Variants in OSBPL6 observed in about 807,000 individuals in gnomAD.
OSBPL6 encodes oxysterol-binding protein-related protein 6.
Under a neutral mutation model 125.8 loss-of-function variants are expected in OSBPL6, and 49 were observed. That is an observed-to-expected ratio of 0.39 (90% confidence interval 0.31 to 0.49). OSBPL6 has a LOEUF of 0.49. OSBPL6 is among the 20% of genes least tolerant of loss of function. The pLI is 0.88. For missense variants in OSBPL6, 986 were observed against 1,135.4 expected (o/e 0.87, Z 1.89); for synonymous variants, 394 against 391.8 (o/e 1.01, Z -0.07).
intron 15 of OSBPL6, 89 bp from the exon 16 acceptor site, chr2:178,382,331 C>A: frequency 6.9e-7 from 1 of 1,455,156 alleles, no homozygotes; most frequent in Non-Finnish European, 9.1e-7. Context: ...CTCACTGGAA[C>A]AATATTTTGT....
chr2:178,211,141 C>G (rs571049764), intron 1 of OSBPL6, among the ~76,000 whole-genome samples: 3 of 152,118 alleles, frequency 2.0e-5, no homozygotes, highest in African/African-American at 7.2e-5. Context: ...TGTGGTGGTG[C>G]GCGCCTGTAG....
In OSBPL6 at chr2:178,389,130, A is replaced by G. The variant is rs772037316; in HGVS notation, c.2278A>G (p.Ile760Val). Residue 760 changes from isoleucine (I) to valine (V), a missense_variant, in exon 21 of 25, where the codon ATT becomes GTT. Ile to Val is a conservative substitution (Grantham distance 29, BLOSUM62 3). Around this residue, in one of 3 missense-constraint regions of OSBPL6, gnomAD observed 843 missense variants for 997.3 expected, o/e 0.85. Transcript: ENST00000190611. ...CAGAAATACCAAAAGCAGTGTTTGC[A>G]TTTGCAAACTCACATTTGTCAAGGT... is the stretch of plus-strand genomic sequence containing the variant. ...TIRNTKSSVC[I>V]CKLTFVKVNY... The G allele has an allele frequency of 1.1e-5, 18 of 1,613,804 alleles. No homozygotes were observed. Among genetic ancestry groups the G allele is most frequent in the African/African-American group, 2.7e-5 (2 of 75,064 alleles).
chr2:178,223,728 C>T (rs2090437063), intron 1 of OSBPL6, among the ~76,000 whole-genome samples: 1 of 152,184 alleles, frequency 6.6e-6, no homozygotes, highest in Non-Finnish European at 1.5e-5. Context: ...GCACACTCAC[C>T]TATTGTTACT....
chr2:178,289,041 A>G (rs1249167901), intron 2 of OSBPL6, among the ~76,000 whole-genome samples: 4 of 132,098 alleles, frequency 3.0e-5, no homozygotes, highest in Non-Finnish European at 6.3e-5. Context: ...TTTTTGAGAC[A>G]GAGTCTCGCT....
intron 2 of OSBPL6, among the ~76,000 whole-genome samples, chr2:178,287,912 A>G (rs949288955): frequency 8.6e-5 from 13 of 152,006 alleles, no homozygotes; most frequent in Admixed American, 3.3e-4. Context: ...GAAATGGGGG[A>G]AAAATTGTAG....
Position 178,394,360 on chromosome 2 carries a change from G to C in OSBPL6, c.2621G>C (p.Arg874Thr). ...NLEAAASEKQ[R>T]VEELQRSRRR... Reference sequence around the variant, plus strand: ...GAAGCTGCAGCATCAGAGAAGCAAAGAGTAGAGGAACTCCAGAGATCTCGG... The same window carrying C: ...GAAGCTGCAGCATCAGAGAAGCAAACAGTAGAGGAACTCCAGAGATCTCGG... The change falls in exon 24 of 25, where the codon AGA becomes ACA. Residue 874 changes from arginine to threonine, a missense_variant. Arg to Thr is a moderately conservative substitution (Grantham distance 71). Around this residue, in one of 3 missense-constraint regions of OSBPL6, gnomAD observed 843 missense variants for 997.3 expected, o/e 0.85. Transcript: ENST00000190611. The C allele has an allele frequency of 6.2e-7, 1 of 1,613,740 alleles. No individual in the cohort carries two copies. Among genetic ancestry groups the C allele is most frequent in the Non-Finnish European group, 8.5e-7 (1 of 1,179,894 alleles).
intron 12 of OSBPL6, among the ~76,000 whole-genome samples, chr2:178,360,210 A>G (rs1490897217): frequency 6.6e-6 from 1 of 152,206 alleles, no homozygotes; most frequent in Non-Finnish European, 1.5e-5. Context: ...CCAGGATGGC[A>G]GTGGAGGGGA....
intron 15 of OSBPL6, among the ~76,000 whole-genome samples, chr2:178,381,739 C>A (rs922020679): frequency 3.9e-5 from 6 of 152,192 alleles, no homozygotes; most frequent in African/African-American, 1.4e-4. Context: ...TTCCTGAAAA[C>A]CAAATCTGAC....
intron 1 of OSBPL6, among the ~76,000 whole-genome samples, chr2:178,268,928 A>G (rs774113627): frequency 2.7e-4 from 41 of 152,020 alleles, no homozygotes; most frequent in Non-Finnish European, 4.3e-4. Flanking sequence ...TTTTTGCCCC[A>G]TTGTCCTAAG....
intron 13 of OSBPL6, among the ~76,000 whole-genome samples, chr2:178,367,390 A>G (rs1450542359): frequency 6.6e-6 from 1 of 152,156 alleles, no homozygotes; most frequent in Non-Finnish European, 1.5e-5. Context: ...TCATTTTCTC[A>G]TTCCTTTTGA....
intron 1 of OSBPL6, among the ~76,000 whole-genome samples, chr2:178,240,901 C>T (rs1162964968): frequency 6.6e-6 from 1 of 152,116 alleles, no homozygotes; most frequent in African/African-American, 2.4e-5. Flanking sequence ...AGATAGTATC[C>T]TAATTTTGGC....
At chr2:178,339,147 T>C in intron 10 of OSBPL6, 53 bp downstream of exon 10, 18 of 1,117,842 alleles carry the variant, frequency 1.6e-5, no homozygotes, top group Non-Finnish European at 2.4e-5. Context: ...ATTAATACTC[T>C]TTATTGGGTT....
At chr2:178,336,192 G>A in intron 8 of OSBPL6, 109 bp from the exon 9 acceptor site, 3 of 1,351,150 alleles carry the variant, frequency 2.2e-6, no homozygotes, top group Non-Finnish European at 3.0e-6. Context: ...TGTTTTGAGT[G>A]TGCATTTTCT....
rs984666696 is a variant in OSBPL6, at chr2:178,274,897, AT to A, written c.-350-10018del. Among the ~76,000 whole-genome samples the A allele has an allele frequency of 1.2e-3, 177 of 146,854 alleles. 1 individual carries two copies. The Middle Eastern group carries it at 0.014, about 12-fold the overall frequency. On this transcript the variant is annotated intron_variant, in intron 1 of 24. Coordinates refer to ENST00000190611, the MANE Select transcript of OSBPL6 (RefSeq NM_032523.4). ...TTAAAAATTGTCCTCTAGGACCATG[AT>A]TTTTTTTTTTTAAATGAAAGACACA...
intron 1 of OSBPL6, among the ~76,000 whole-genome samples, chr2:178,246,012 A>G (rs1181688141): frequency 1.3e-5 from 2 of 152,122 alleles, no homozygotes; most frequent in Non-Finnish European, 2.9e-5. Context: ...CCGGAAGCTG[A>G]CCTGGTAGCC....
intron 1 of OSBPL6, among the ~76,000 whole-genome samples, chr2:178,265,733 C>T (rs1245931267): frequency 1.3e-5 from 2 of 152,146 alleles, no homozygotes; most frequent in Non-Finnish European, 2.9e-5. Context: ...GAAGCAGGCA[C>T]TACCTTCGTA....
chr2:178,213,494 T>A (rs2089959571), intron 1 of OSBPL6, among the ~76,000 whole-genome samples: 1 of 151,964 alleles, frequency 6.6e-6, no homozygotes, highest in South Asian at 2.1e-4. Context: ...TGTGTCTCCA[T>A]CCTCATCACC....
intron 1 of OSBPL6, among the ~76,000 whole-genome samples, chr2:178,272,135 T>C (rs1330043275): frequency 6.6e-6 from 1 of 152,214 alleles, no homozygotes; most frequent in Non-Finnish European, 1.5e-5. Context: ...AAGAACTTAC[T>C]GTTCAGCACA....
chr2:178,332,466 A>T (rs968357296), intron 6 of OSBPL6, among the ~76,000 whole-genome samples, 175 bp from the exon 7 acceptor site: 25 of 152,252 alleles, frequency 1.6e-4, no homozygotes, highest in South Asian at 2.1e-4. Context: ...TGCAACATCA[A>T]CTGTCCTAGA....
Sources: allele counts gnomAD v4.1 joint callset (sites outside exome capture counted in the v4.1 genomes callset), GRCh38; gene constraint gnomAD v4.1.1; regional missense constraint gnomAD v4.1.1; transcripts MANE v1.5; gene names NCBI Gene and HGNC (gene_info 2026-07-23, HGNC 2026-07-21).